Variants in PDE1C observed in about 807,000 individuals in gnomAD.
PDE1C encodes the protein dual specificity calcium/calmodulin-dependent 3',5'-cyclic nucleotide phosphodiesterase 1C.
PDE1C carries 62 observed loss-of-function variants against 93.1 expected under a neutral mutation model. The ratio of observed to expected loss-of-function variants is 0.67; its 90% CI spans 0.54 to 0.82. The LOEUF (loss-of-function observed/expected upper bound fraction) is 0.82, where lower values mean the gene tolerates loss of function less well. PDE1C is among the 40% of genes least tolerant of loss of function. The pLI is 0.00. For missense variants in PDE1C, 742 were observed against 884.6 expected (o/e 0.84, Z 2.04); for synonymous variants, 325 against 310.1 (o/e 1.05, Z -0.50).
intron 1 of PDE1C, among the ~76,000 whole-genome samples, chr7:32,417,236 A>G (rs1228475739): frequency 6.6e-6 from 1 of 151,694 alleles, no homozygotes; most frequent in Non-Finnish European, 1.5e-5. Flanking sequence ...ACAAAGCATG[A>G]GTGAATCCCA....
At chr7:31,674,515 A>G in the PDE1C span, among the ~76,000 whole-genome samples, 2 of 152,182 alleles carry the variant, frequency 1.3e-5, no homozygotes, top group Non-Finnish European at 2.9e-5. Flanking sequence ...ATCTTGCTAG[A>G]TATCAATAAA....
intron 3 of PDE1C, among the ~76,000 whole-genome samples, chr7:32,129,691 G>A (rs887751927): frequency 1.3e-5 from 2 of 151,792 alleles, no homozygotes; most frequent in African/African-American, 2.4e-5. Context: ...CTTTTTGCAA[G>A]TACTTTCAAG....
chr7:32,227,250 C>T (rs1284979740), intron 1 of PDE1C, among the ~76,000 whole-genome samples: 1 of 152,106 alleles, frequency 6.6e-6, no homozygotes, highest in Non-Finnish European at 1.5e-5. Context: ...ACCAGCCCAG[C>T]TGGAGAAGGA....
chr7:31,667,256 C>T, the PDE1C span, among the ~76,000 whole-genome samples: 1 of 152,072 alleles, frequency 6.6e-6, no homozygotes, highest in Non-Finnish European at 1.5e-5. Context: ...TCTGAGGTGA[C>T]AGTGAATCTT....
At chr7:31,816,530 A>G (rs1583453964) in intron 14 of PDE1C, among the ~76,000 whole-genome samples, 1 of 152,260 alleles carries the variant, frequency 6.6e-6, no homozygotes, top group Middle Eastern at 3.4e-3. Flanking sequence ...ACAACCTTAC[A>G]GCAGCTACTA....
intron 2 of PDE1C, among the ~76,000 whole-genome samples, chr7:31,994,586 T>C (rs887530965): frequency 6.6e-6 from 1 of 152,198 alleles, no homozygotes; most frequent in African/African-American, 2.4e-5. Flanking sequence ...TAGCAGGCTA[T>C]GCAAAGTGAG....
chr7:32,041,616 ATTTAC>A (rs1390783307), intron 2 of PDE1C, among the ~76,000 whole-genome samples: 1 of 152,106 alleles, frequency 6.6e-6, no homozygotes, highest in Non-Finnish European at 1.5e-5. Flanking sequence ...TATTTTTGTT[ATTTAC>A]TTTTTTTATG....
intron 1 of PDE1C, among the ~76,000 whole-genome samples, chr7:32,288,567 G>A (rs184948708): frequency 3.1e-4 from 47 of 152,254 alleles, no homozygotes; most frequent in Non-Finnish European, 2.1e-4. Flanking sequence ...CAGATGGTTG[G>A]GATCTAGTCT....
chr7:31,920,781 A>G (rs964599115), intron 2 of PDE1C, among the ~76,000 whole-genome samples: 45 of 152,288 alleles, frequency 3.0e-4, no homozygotes, highest in African/African-American at 9.9e-4. Flanking sequence ...TGAGGAAAAC[A>G]GCATGGCCTC....
rs1051245402 is a variant in PDE1C, at chr7:32,183,743, A to C, written c.137-13787T>G. ...TACCATTGAGGACATAGGCATGGGC[A>C]AGGACTTCATGTCTAAAACACCAAA... is the stretch of plus-strand genomic sequence containing the variant. On this transcript the variant is annotated intron_variant, in intron 2 of 18. Coordinates refer to the PDE1C transcript ENST00000396193. Among the ~76,000 whole-genome samples, 11 of 152,374 alleles carry C rather than the reference A, an allele frequency of 7.2e-5. No individual in the cohort carries two copies. The East Asian group carries it at 1.9e-3, about 27-fold the overall frequency.
intron 1 of PDE1C, among the ~76,000 whole-genome samples, chr7:32,369,974 T>G (rs111361043): frequency 1.6e-3 from 243 of 152,304 alleles, no homozygotes; most frequent in African/African-American, 5.8e-3. Context: ...AGAAATCCCA[T>G]TACTGGGTAT....
chr7:32,269,710 C>A (rs1810838743), intron 1 of PDE1C, among the ~76,000 whole-genome samples: 1 of 152,152 alleles, frequency 6.6e-6, no homozygotes, highest in South Asian at 2.1e-4. Context: ...AAACTCCTGG[C>A]CTCATGATCT....
the PDE1C span, chr7:31,651,886 T>C: frequency 1.5e-6 from 2 of 1,294,490 alleles, no homozygotes; most frequent in Non-Finnish European, 2.2e-6. Flanking sequence ...CAATGGAAGA[T>C]TGCACCTGGG....
intron 1 of PDE1C, among the ~76,000 whole-genome samples, chr7:32,414,718 T>C (rs1785237435): frequency 6.6e-6 from 1 of 152,054 alleles, no homozygotes; most frequent in Non-Finnish European, 1.5e-5. Context: ...CCTTGTAATA[T>C]GTGACAGTGA....
At chr7:32,389,664 T>G (rs753780242) in intron 1 of PDE1C, among the ~76,000 whole-genome samples, 2 of 152,246 alleles carry the variant, frequency 1.3e-5, no homozygotes, top group Non-Finnish European at 2.9e-5. Context: ...TAAATTGTTA[T>G]GAAGAAATCT....
At chr7:32,033,433 A>G (rs1790603094) in intron 2 of PDE1C, among the ~76,000 whole-genome samples, 2 of 152,094 alleles carry the variant, frequency 1.3e-5, no homozygotes, top group African/African-American at 4.8e-5. Context: ...TCCCTTTGTT[A>G]TTAAGGGGAT....
intron 2 of PDE1C, among the ~76,000 whole-genome samples, chr7:31,881,964 T>C (rs1306166734): frequency 1.3e-5 from 2 of 152,224 alleles, no homozygotes; most frequent in African/African-American, 4.8e-5. Context: ...TTCCCGTTGG[T>C]ATACGCAATC....
chr7:31,695,029 A>G, the PDE1C span, among the ~76,000 whole-genome samples: 1 of 152,170 alleles, frequency 6.6e-6, no homozygotes, highest in African/African-American at 2.4e-5. Flanking sequence ...TTCACTGAGG[A>G]CCGAGGGAAC....
chr7:32,001,564 A>AGAC (rs1458543658), intron 2 of PDE1C, among the ~76,000 whole-genome samples: 3 of 152,204 alleles, frequency 2.0e-5, no homozygotes, highest in African/African-American at 7.2e-5. Context: ...AAAGGAGTTC[A>AGAC]TCACTGCAGA....
Sources: allele counts gnomAD v4.1 joint callset (sites outside exome capture counted in the v4.1 genomes callset), GRCh38; gene constraint gnomAD v4.1.1; transcripts MANE v1.5; gene names NCBI Gene and HGNC (gene_info 2026-07-23, HGNC 2026-07-21).